The following GAPVD1 variants were observed in gnomAD, a reference collection of about 807,000 sequenced individuals.
The protein encoded by GAPVD1 is GTPase activating protein and VPS9 domains 1, also known as GTPase-activating protein and VPS9 domain-containing protein 1.
In GAPVD1, 35 loss-of-function variants were observed where a neutral mutation model predicts 155.5. That is an observed-to-expected ratio of 0.23 (90% CI 0.17 to 0.30). GAPVD1 has a LOEUF of 0.30. GAPVD1 is among the 10% of genes least tolerant of loss of function. GAPVD1 has a pLI of 1.00. For synonymous variants in GAPVD1, 636 were observed against 619.7 expected (o/e 1.03, Z -0.39); for missense variants, 1,429 against 1,775.7 (o/e 0.80, Z 3.51).
chr9:125,363,016 T>A lies in GAPVD1; in HGVS notation c.*270T>A, dbSNP rs1589158134. 5.0e-6 allele frequency: 1 copy of A among 200,318 alleles called. No homozygotes were observed. Among genetic ancestry groups the A allele is most frequent in the East Asian group, 1.1e-4 (1 of 8,970 alleles). The allele number at this position is 200,318 out of a possible 1,614,324, so 12.4% of individuals were successfully genotyped here. On this transcript the variant is annotated 3_prime_UTR_variant, in exon 28 of 28. Transcript: ENST00000297933. ...AAAAGGGACCACATTTTTCAAGTATTTCTAAGTATAAAAAACAAAACAAAA... is the reference window on the plus strand; with the variant it reads ...AAAAGGGACCACATTTTTCAAGTATATCTAAGTATAAAAAACAAAACAAAA...
chr9:125,273,212 G>A (rs1185294216), intron 2 of GAPVD1, among the ~76,000 whole-genome samples: 2 of 152,184 alleles, frequency 1.3e-5, no homozygotes, highest in African/African-American at 4.8e-5. Context: ...GAAAGTTCCA[G>A]ATAGGCACCC....
intron 2 of GAPVD1, among the ~76,000 whole-genome samples, chr9:125,270,889 C>T (rs562907041): frequency 2.6e-5 from 4 of 152,144 alleles, no homozygotes; most frequent in Admixed American, 2.6e-4. Flanking sequence ...GCAGAGGTTG[C>T]GATGAGCCGA....
intron 1 of GAPVD1, among the ~76,000 whole-genome samples, chr9:125,267,407 C>T (rs974827734): frequency 7.9e-5 from 12 of 151,594 alleles, no homozygotes; most frequent in Non-Finnish European, 1.5e-4. Context: ...CTACCACACC[C>T]GGTTAATTAA....
chr9:125,307,615 T>C, intron 7 of GAPVD1, 68 bp downstream of exon 7: 6 of 1,559,384 alleles, frequency 3.8e-6, no homozygotes, highest in South Asian at 1.1e-5. Context: ...AAAACATACA[T>C]GAGTACATTG....
In GAPVD1 at chr9:125,362,650, C is replaced by T; in HGVS notation, c.4287C>T (p.Ser1429=). ...CLLSTVQYIS[S]FYASCLSGEE... ...TGTCTACTGTGCAGTATATCAGTAGCTTTTATGCTAGCTGTCTGTCTGGAG... is the reference window on the plus strand; with the variant it reads ...TGTCTACTGTGCAGTATATCAGTAGTTTTTATGCTAGCTGTCTGTCTGGAG... Residue 1429 remains serine, a synonymous_variant, in exon 28 of 28, where the codon AGC becomes AGT. Transcript: ENST00000297933. The T allele has an allele frequency of 6.2e-7, 1 of 1,613,048 alleles. No individual in the cohort carries two copies. Among genetic ancestry groups the T allele is most frequent in the Admixed American group, 1.7e-5 (1 of 59,958 alleles).
At chr9:125,263,540 T>G in intron 1 of GAPVD1, 1 of 1,003,946 alleles carries the variant, frequency 1.0e-6, no homozygotes, top group East Asian at 2.4e-5. Context: ...TTTTTTTTTT[T>G]TGGTTGTAAG....
intron 1 of GAPVD1, among the ~76,000 whole-genome samples, chr9:125,266,374 C>T (rs1010540812): frequency 2.1e-4 from 32 of 151,614 alleles, no homozygotes; most frequent in Non-Finnish European, 4.4e-4. Flanking sequence ...AGTGCAGTGG[C>T]GTGATCTTGG....
chr9:125,308,266 A>G (rs1347928576), intron 8 of GAPVD1: 1 of 227,970 alleles, frequency 4.4e-6, no homozygotes, highest in Non-Finnish European at 8.6e-6. Flanking sequence ...AGATTGCTTG[A>G]GCCTGGGAGG....
At chr9:125,336,679 G>A (rs181550438) in intron 15 of GAPVD1, 64 of 216,940 alleles carry the variant, frequency 3.0e-4, no homozygotes, top group African/African-American at 1.4e-3. Context: ...AGGGGAAGGC[G>A]AGGCTCAGGG....
chr9:125,288,883 G>T (rs1838146686), intron 2 of GAPVD1, among the ~76,000 whole-genome samples: 1 of 152,186 alleles, frequency 6.6e-6, no homozygotes, highest in Non-Finnish European at 1.5e-5. Context: ...ACAATGCAGG[G>T]AAAGTGTGTG....
intron 2 of GAPVD1, among the ~76,000 whole-genome samples, chr9:125,277,314 G>A (rs906241640): frequency 2.0e-5 from 3 of 152,306 alleles, no homozygotes; most frequent in Non-Finnish European, 2.9e-5. Flanking sequence ...TGCAGACAAT[G>A]TAAAGTGCTG....
At chr9:125,279,570 CAAA>C (rs373750165) in intron 2 of GAPVD1, among the ~76,000 whole-genome samples, 3 of 55,834 alleles carry the variant, frequency 5.4e-5, no homozygotes, top group East Asian at 3.6e-4. Flanking sequence ...GACTTCATCT[CAAA>C]AAAAAAAAAA....
intron 22 of GAPVD1, 147 bp downstream of exon 22, chr9:125,350,551 A>G (rs1849146443): frequency 1.4e-6 from 1 of 696,160 alleles, no homozygotes; most frequent in Non-Finnish European, 2.5e-6. Context: ...GGGCACTTTG[A>G]TTACTGATGA....
chr9:125,345,524 A>G (rs566022897), intron 19 of GAPVD1, among the ~76,000 whole-genome samples: 5 of 152,322 alleles, frequency 3.3e-5, no homozygotes, highest in Admixed American at 6.5e-5. Context: ...AAAACTGTGT[A>G]TAAATGGACC....
intron 2 of GAPVD1, among the ~76,000 whole-genome samples, chr9:125,274,296 G>T (rs1367536126): frequency 1.3e-5 from 2 of 151,808 alleles, no homozygotes; most frequent in African/African-American, 4.8e-5. Context: ...GGGATTACAG[G>T]TGTGAGCCAC....
intron 7 of GAPVD1, 34 bp from the exon 8 acceptor site, chr9:125,307,657 G>T (rs770609010): frequency 2.5e-6 from 4 of 1,590,328 alleles, no homozygotes; most frequent in Admixed American, 3.4e-5. Flanking sequence ...TTGAAAAAGT[G>T]ATTTCATTAG....
intron 2 of GAPVD1, among the ~76,000 whole-genome samples, chr9:125,292,033 A>G (rs185213015): frequency 6.6e-6 from 1 of 152,120 alleles, no homozygotes; most frequent in East Asian, 1.9e-4. Context: ...CTTGAGCCCA[A>G]GAGTTTGAGA....
intron 23 of GAPVD1, among the ~76,000 whole-genome samples, chr9:125,354,396 A>C (rs945148076): frequency 1.3e-5 from 2 of 152,202 alleles, no homozygotes; most frequent in African/African-American, 4.8e-5. Flanking sequence ...TAGGTAACTA[A>C]GTCTTCAGCC....
At chr9:125,315,218 C>T (rs1395888739) in intron 9 of GAPVD1, among the ~76,000 whole-genome samples, 1 of 152,148 alleles carries the variant, frequency 6.6e-6, no homozygotes, top group Admixed American at 6.6e-5. Context: ...TGACATGATA[C>T]CCCATAGGGA....
Sources: allele counts gnomAD v4.1 joint callset (sites outside exome capture counted in the v4.1 genomes callset), GRCh38; gene constraint gnomAD v4.1.1; transcripts MANE v1.5; gene names NCBI Gene and HGNC (gene_info 2026-07-23, HGNC 2026-07-21).